Variants in PCDHGA5 observed in about 807,000 individuals in gnomAD.
PCDHGA5 encodes protocadherin gamma-A5.
PCDHGA5 carries 36 observed loss-of-function variants against 56.7 expected under a neutral mutation model. That is an observed-to-expected ratio of 0.64 (90% CI 0.49 to 0.84). The LOEUF (loss-of-function observed/expected upper bound fraction) is 0.84, where lower values mean the gene tolerates loss of function less well. PCDHGA5 is among the 40% of genes least tolerant of loss of function. The pLI is 0.00. For synonymous variants in PCDHGA5, 563 were observed against 520.2 expected, an observed-to-expected ratio of 1.08 and a Z score of -1.12; for missense variants, 1,305 against 1,201.5, an observed-to-expected ratio of 1.09 and a Z score of -1.27.
intron 1 of PCDHGA5, among the ~76,000 whole-genome samples, chr5:141,454,353 A>G (rs2098787486): frequency 1.3e-5 from 2 of 152,238 alleles, no homozygotes; most frequent in Non-Finnish European, 2.9e-5. Context: ...AGTTGATCCA[A>G]ACTTAGAAAG....
chr5:141,388,922 A>G (rs761599135), intron 1 of PCDHGA5: 1 of 1,614,046 alleles, frequency 6.2e-7, no homozygotes, highest in Non-Finnish European at 8.5e-7. Context: ...CAGAAGTGAT[A>G]TTCCAGTCTC....
At chr5:141,379,831 C>G (rs1242791393) in intron 1 of PCDHGA5, among the ~76,000 whole-genome samples, 1 of 142,262 alleles carries the variant, frequency 7.0e-6, no homozygotes, top group Non-Finnish European at 1.5e-5. Flanking sequence ...TTTGAAGCAT[C>G]AGGAAAAAAA....
intron 2 of PCDHGA5, 99 bp from the exon 3 acceptor site, chr5:141,505,294 G>T: frequency 6.4e-7 from 1 of 1,572,086 alleles, no homozygotes; most frequent in Non-Finnish European, 8.6e-7. Context: ...GCATGGGGTA[G>T]GGTTAGGGTA....
chr5:141,407,847 T>C (rs1236964962), intron 1 of PCDHGA5, among the ~76,000 whole-genome samples: 2 of 152,224 alleles, frequency 1.3e-5, no homozygotes, highest in African/African-American at 4.8e-5. Context: ...TTGAGGGGGA[T>C]GTACACCTGC....
rs199877605 is a variant in PCDHGA5 at position 141,421,311 on chromosome 5, G to A, written c.2421+54560G>A. The A allele has an allele frequency of 9.5e-5, 154 of 1,613,788 alleles. No individual in the cohort carries two copies. The African/African-American group carries it at 1.9e-3, about 20-fold the overall frequency. On this transcript the variant is annotated intron_variant, in intron 1 of 3. Coordinates refer to ENST00000518069, the MANE Select transcript of PCDHGA5 (RefSeq NM_018918.3). ...TCCTGGGGACGCTGCGGGGGTTCCG[G>A]GCCAGGCAGATCCGATATTCGGTGC... is the stretch of plus-strand genomic sequence containing the variant.
Position 141,431,431 on chromosome 5 carries a change from C to T in PCDHGA5, c.2422-63376C>T, listed in dbSNP as rs776557037. ...ACGGGGGCGACCCGGTGCGCACAGG[C>T]ACCGCGCGCATCCGCGTGATGGTTC... is the stretch of plus-strand genomic sequence containing the variant. On this transcript the variant is annotated intron_variant, in intron 1 of 3. Transcript: ENST00000518069. This position sits in a 1 kb window ranked among gnomAD's most constrained non-coding sequence, Gnocchi z 4.8. 11 of 1,613,586 alleles carry T rather than the reference C, an allele frequency of 6.8e-6. No individual in the cohort carries two copies. The East Asian group carries it at 1.1e-4, about 16-fold the overall frequency.
intron 1 of PCDHGA5, among the ~76,000 whole-genome samples, chr5:141,379,889 CTTTTTTTTTTTTTTTTTT>C (rs70988800): frequency 3.9e-5 from 2 of 50,830 alleles, no homozygotes; most frequent in African/African-American, 6.6e-5. Context: ...GTGAAAGCCT[CTTTTTTTTTTTTTTTTTT>C]TTTTTTTTTT....
intron 1 of PCDHGA5, among the ~76,000 whole-genome samples, chr5:141,467,665 G>T (rs1205474808): frequency 4.6e-5 from 7 of 152,040 alleles, no homozygotes; most frequent in Non-Finnish European, 1.0e-4. Flanking sequence ...AGTGCCAGAA[G>T]ATTTTTATTT....
At chr5:141,369,987 G>T (rs1363490934) in intron 1 of PCDHGA5, among the ~76,000 whole-genome samples, 1 of 152,174 alleles carries the variant, frequency 6.6e-6, no homozygotes, top group Non-Finnish European at 1.5e-5. Context: ...GATTTGGATG[G>T]ATAAAGCTCA....
chr5:141,490,686 C>T lies in PCDHGA5; in HGVS notation c.2422-4121C>T. The T allele has an allele frequency of 3.7e-6, 6 of 1,614,196 alleles. No homozygotes were observed. The highest frequency in any genetic ancestry group is 5.1e-6 in the Non-Finnish European group (6 of 1,180,014). ...GCACTGTGGCTGCCTCAGATCCAGA[C>T]ACTGGGGATAATGCCCGCCTCACCT... On this transcript the variant is annotated intron_variant, in intron 1 of 3. Coordinates refer to ENST00000518069, the MANE Select transcript of PCDHGA5 (RefSeq NM_018918.3). This position sits in a 1 kb window ranked among gnomAD's most constrained non-coding sequence, Gnocchi z 5.4.
Position 141,409,742 on chromosome 5 carries a change from G to A in PCDHGA5, c.2421+42991G>A, listed in dbSNP as rs763304955. On this transcript the variant is annotated intron_variant, in intron 1 of 3. Coordinates refer to ENST00000518069, the MANE Select transcript of PCDHGA5 (RefSeq NM_018918.3). Reference sequence around the variant, plus strand: ...GTCAGTGAGCGCGCAGAGCGGGGTGGTGTTCGCGCAGCGCGCCTTTGATCA... The same window carrying A: ...GTCAGTGAGCGCGCAGAGCGGGGTGATGTTCGCGCAGCGCGCCTTTGATCA... 4.3e-6 allele frequency: 7 copies of A among 1,612,986 alleles called. No individual in the cohort carries two copies. In the South Asian group the frequency reaches 5.5e-5, roughly 13 times the overall value.
At chr5:141,414,042 T>A (rs758538745) in intron 1 of PCDHGA5, 1 of 1,611,324 alleles carries the variant, frequency 6.2e-7, no homozygotes, top group South Asian at 1.1e-5. Flanking sequence ...GAAAATTACC[T>A]GACACGCAAT....
intron 2 of PCDHGA5, 35 bp from the exon 3 acceptor site, chr5:141,505,358 G>A (rs1156448862): frequency 6.2e-7 from 1 of 1,613,796 alleles, no homozygotes; most frequent in Non-Finnish European, 8.5e-7. Context: ...GTGCCGGCCT[G>A]GGAGTCTGTG....
Position 141,364,362 on chromosome 5 carries a change from G to C in PCDHGA5, c.32G>C (p.Gly11Ala). The C allele has an allele frequency of 6.4e-7, 1 of 1,560,576 alleles. No individual in the cohort carries two copies. Among genetic ancestry groups the C allele is most frequent in the Non-Finnish European group, 8.7e-7 (1 of 1,155,786 alleles). The part of the protein sequence containing the change: MASPPRGWGC[G>A]ELLLPFMLLG... Reference sequence around the variant, plus strand: ...AGTCCACCTAGGGGCTGGGGCTGCGGAGAGCTGCTGCTGCCCTTCATGCTC... The same window carrying C: ...AGTCCACCTAGGGGCTGGGGCTGCGCAGAGCTGCTGCTGCCCTTCATGCTC... Residue 11 changes from glycine (G) to alanine (A), a missense_variant, in exon 1 of 4, where the codon GGA (glycine) becomes GCA (alanine). Physicochemically the swap from Gly to Ala is moderately conservative, Grantham distance 60 (BLOSUM62 0). Coordinates refer to ENST00000518069, the MANE Select transcript of PCDHGA5 (RefSeq NM_018918.3).
intron 1 of PCDHGA5, among the ~76,000 whole-genome samples, chr5:141,483,084 C>CA (rs898059463): frequency 8.0e-5 from 12 of 150,326 alleles, no homozygotes; most frequent in Admixed American, 2.0e-4. Context: ...GACTCCATCT[C>CA]AAAAAAAAAG....
In PCDHGA5 at chr5:141,415,757, T is replaced by G. The variant is rs765276447; in HGVS notation, c.2421+49006T>G. The G allele has an allele frequency of 5.6e-3, 7,497 of 1,346,942 alleles. 12 individuals are homozygous for G. The highest frequency in any genetic ancestry group is 0.012 in the East Asian group (422 of 35,004). The allele number at this position is 1,346,942 out of a possible 1,614,324, so 83.4% of individuals were successfully genotyped here. A position where few individuals can be genotyped will look rare whatever the true frequency, so the allele number is the denominator to read the frequency against. ...TTATTAAGGTTTTTTTTTTTTTTTT[T>G]TTTTTTTTTTTTTTTACTTTCTGGT... On this transcript the variant is annotated intron_variant, in intron 1 of 3. Coordinates refer to ENST00000518069, the MANE Select transcript of PCDHGA5 (RefSeq NM_018918.3).
chr5:141,458,171 A>G (rs548935841), intron 1 of PCDHGA5, among the ~76,000 whole-genome samples: 74 of 152,336 alleles, frequency 4.9e-4, no homozygotes, highest in African/African-American at 1.6e-3. Flanking sequence ...TCACAGTAGT[A>G]TACCTTACTT....
chr5:141,422,961 G>A, intron 1 of PCDHGA5: 1 of 1,614,234 alleles, frequency 6.2e-7, no homozygotes, highest in Non-Finnish European at 8.5e-7. Flanking sequence ...GCGTGGAGCT[G>A]GCGCCCCGCT....
intron 1 of PCDHGA5, among the ~76,000 whole-genome samples, chr5:141,367,985 T>C (rs1158650986): frequency 6.6e-6 from 1 of 152,224 alleles, no homozygotes; most frequent in African/African-American, 2.4e-5. Flanking sequence ...CTTAAATTAA[T>C]AGATTTGTCT....
Sources: allele counts gnomAD v4.1 joint callset (sites outside exome capture counted in the v4.1 genomes callset), GRCh38; gene constraint gnomAD v4.1.1; non-coding constraint Gnocchi (gnomAD v3.1); transcripts MANE v1.5; gene names NCBI Gene and HGNC (gene_info 2026-07-23, HGNC 2026-07-21).